ZBTB11: variants seen among roughly 807,000 people sequenced by gnomAD.
The protein encoded by ZBTB11 is zinc finger and BTB domain containing 11, also known as zinc finger and BTB domain-containing protein 11.
ZBTB11 carries 68 observed loss-of-function variants against 113.1 expected under a neutral mutation model. The observed-to-expected ratio is 0.60, with a 90% CI of 0.49 to 0.74. The LOEUF is 0.74. ZBTB11 is among the 30% of genes least tolerant of loss of function. The probability of loss-of-function intolerance (pLI) is 0.00; values close to 1 mark genes in which losing one functional copy is unlikely to be tolerated. For synonymous variants in ZBTB11, 518 were observed against 452.6 expected, an observed-to-expected ratio of 1.14 and a Z score of -1.83; for missense variants, 1,104 against 1,279.4, an observed-to-expected ratio of 0.86 and a Z score of 2.09.
chr3:101,677,039 C>T lies in ZBTB11; in HGVS notation c.-125G>A, dbSNP rs1235471795. On this transcript the variant is annotated 5_prime_UTR_variant, in exon 1 of 11. Transcript: ENST00000312938. ...GAAACGGCTGCGCCTTTGGCGAGCGCTCTTCGACGGCTCCCTTAGTCCGAA... is the reference window on the plus strand; with the variant it reads ...GAAACGGCTGCGCCTTTGGCGAGCGTTCTTCGACGGCTCCCTTAGTCCGAA... 1 of 1,095,490 alleles carries T rather than the reference C, an allele frequency of 9.1e-7. No homozygotes were observed. The highest frequency in any genetic ancestry group is 1.3e-6 in the Non-Finnish European group (1 of 794,884). The allele number at this position is 1,095,490 out of a possible 1,614,324, so 67.9% of individuals were successfully genotyped here. A position where few individuals can be genotyped will look rare whatever the true frequency, so the allele number is the denominator to read the frequency against.
chr3:101,670,676 C>T (rs1182213298), intron 3 of ZBTB11: 1 of 155,062 alleles, frequency 6.4e-6, no homozygotes, highest in African/African-American at 2.4e-5. Flanking sequence ...GTCTGGAGAG[C>T]AGTGGGTATT....
chr3:101,673,820 G>C (rs1223999065), intron 1 of ZBTB11, among the ~76,000 whole-genome samples: 1 of 152,078 alleles, frequency 6.6e-6, no homozygotes, highest in Non-Finnish European at 1.5e-5. Flanking sequence ...TGGCCACCAA[G>C]TTCCTTATAC....
At chr3:101,668,808 G>A (rs1346154129) in intron 3 of ZBTB11, among the ~76,000 whole-genome samples, 1 of 151,788 alleles carries the variant, frequency 6.6e-6, no homozygotes, top group East Asian at 1.9e-4. Context: ...AATAAAAGGA[G>A]CGAGCCTCTC....
At chr3:101,671,632 A>G (rs1937087218) in intron 2 of ZBTB11, 3 of 575,508 alleles carry the variant, frequency 5.2e-6, no homozygotes, top group South Asian at 2.3e-5. Context: ...AAACTGATGC[A>G]GGTGAAAAAC....
rs1936703878 is a variant in ZBTB11, at chr3:101,651,630, A to T, written c.2698T>A (p.Ser900Thr). The T allele has an allele frequency of 4.4e-6, 7 of 1,608,748 alleles. No homozygotes were observed. The highest frequency in any genetic ancestry group is 5.9e-6 in the Non-Finnish European group (7 of 1,177,626). The change falls in exon 11 of 11, where the codon TCT (serine) becomes ACT (threonine). Residue 900 changes from serine (S) to threonine (T), a missense_variant. Physicochemically the swap from Ser to Thr is moderately conservative, Grantham distance 58 (BLOSUM62 1). Transcript: ENST00000312938. Reference protein sequence around the residue: ...TCGVAWADARSLKRHVRTHTG... With the variant: ...TCGVAWADARTLKRHVRTHTG... ...TGTGTTCTGACATGGCGTTTTAGAG[A>T]TCGGGCATCAGCCCAAGCTACTCCA...
chr3:101,658,624 A>C (rs1036141159), intron 6 of ZBTB11, among the ~76,000 whole-genome samples: 1 of 152,040 alleles, frequency 6.6e-6, no homozygotes, highest in Non-Finnish European at 1.5e-5. Flanking sequence ...CCCAGGTTCA[A>C]ATGACCGGAG....
Position 101,677,099 on chromosome 3 carries a change from G to A in ZBTB11, c.-185C>T, listed in dbSNP as rs1348152062. The A allele has an allele frequency of 1.1e-5, 7 of 632,780 alleles. No homozygotes were observed. Among genetic ancestry groups the A allele is most frequent in the Non-Finnish European group, 1.5e-5 (6 of 392,558 alleles). The allele number at this position is 632,780 out of a possible 1,614,324, so 39.2% of individuals were successfully genotyped here. A position where few individuals can be genotyped will look rare whatever the true frequency, so the allele number is the denominator to read the frequency against. On this transcript the variant is annotated 5_prime_UTR_variant, in exon 1 of 11. Transcript: ENST00000312938. The stretch of plus-strand genomic sequence containing the variant: ...GGCGAGTTGGTAACCAGGGGGAACT[G>A]CACTTCTCCAGCGCGCGGGATCCGC...
chr3:101,665,252 A>G lies in ZBTB11; in HGVS notation c.1335T>C (p.Asn445=), dbSNP rs776980646. ...TATCCTCTGGCGAGCTACTAATTAC[A>G]TTCTCTTTTGAAAGTTTAGGGTGTA... The part of the protein sequence containing the change: ...SNIHPKLSKE[N]VISSSPEDSG... The change falls in exon 4 of 11, where the codon AAT becomes AAC. Residue 445 remains asparagine, a synonymous_variant. Transcript: ENST00000312938. 29 of 1,614,014 alleles carry G rather than the reference A, an allele frequency of 1.8e-5. No homozygotes were observed. The South Asian group carries it at 3.1e-4, about 17-fold the overall frequency.
intron 1 of ZBTB11, among the ~76,000 whole-genome samples, chr3:101,675,395 A>C (rs920966173): frequency 3.9e-5 from 6 of 152,258 alleles, no homozygotes. Context: ...AAACGAATAA[A>C]CTTGATGATG....
At chr3:101,664,116 T>C (rs1001369932) in intron 5 of ZBTB11, among the ~76,000 whole-genome samples, 2 of 152,164 alleles carry the variant, frequency 1.3e-5, no homozygotes, top group Non-Finnish European at 2.9e-5. Context: ...TCAAGGTAGC[T>C]AGCACTACTA....
At chr3:101,676,354 G>A in intron 1 of ZBTB11, 1 of 378,960 alleles carries the variant, frequency 2.6e-6, no homozygotes, top group Non-Finnish European at 4.7e-6. Flanking sequence ...CCCCGCGGCT[G>A]GCCCGGCCTC....
chr3:101,651,509 T>G lies in ZBTB11; in HGVS notation c.2819A>C (p.Tyr940Ser). 6.2e-7 allele frequency: 1 copy of G among 1,614,160 alleles called. No individual in the cohort carries two copies. Among genetic ancestry groups the G allele is most frequent in the Non-Finnish European group, 8.5e-7 (1 of 1,180,022 alleles). Residue 940 changes from tyrosine (Y) to serine (S), a missense_variant, in exon 11 of 11, where the codon TAT becomes TCT. Transcript: ENST00000312938. ...RKHMTKFHRD[Y>S]VPCKIMLEKD... Reference sequence around the variant, plus strand: ...TTCCAGCATAATTTTGCAAGGCACATAGTCTCTGTGGAATTTAGTCATATG... The same window carrying G: ...TTCCAGCATAATTTTGCAAGGCACAGAGTCTCTGTGGAATTTAGTCATATG...
rs1010022130 is a variant in ZBTB11 at position 101,676,828 on chromosome 3, G to C, written c.87C>G (p.Val29=). The C allele has an allele frequency of 1.2e-6, 2 of 1,612,388 alleles. No individual in the cohort carries two copies. The highest frequency in any genetic ancestry group is 1.7e-6 in the Non-Finnish European group (2 of 1,179,538). Residue 29 remains valine (V), a synonymous_variant, in exon 1 of 11, where the codon GTC becomes GTG. Coordinates refer to ENST00000312938, the MANE Select transcript of ZBTB11 (RefSeq NM_014415.4). ...EPYAPGTEGN[V]KRKIRKAAAC... ...CGGCAGCTTTTCGGATTTTACGCTT[G>C]ACATTGCCCTCGGTGCCCGGCGCAT...
Position 101,649,785 on chromosome 3 carries a change from G to A in ZBTB11, c.*1381C>T, listed in dbSNP as rs1223422146. The A allele has an allele frequency of 6.6e-6, 1 of 152,632 alleles. No homozygotes were observed. Among genetic ancestry groups the A allele is most frequent in the Non-Finnish European group, 1.5e-5 (1 of 68,022 alleles). The allele number at this position is 152,632 out of a possible 1,614,324, so 9.5% of individuals were successfully genotyped here. A position where few individuals can be genotyped will look rare whatever the true frequency, so the allele number is the denominator to read the frequency against. On this transcript the variant is annotated 3_prime_UTR_variant, in exon 11 of 11. Transcript: ENST00000312938. ...AAGCCATTTTTAAAGTAAACTGGGA[G>A]AGGCAACTTAGTAATATATGTACAT... is the stretch of plus-strand genomic sequence containing the variant.
At chr3:101,654,522 T>C (rs1417726435) in intron 8 of ZBTB11, among the ~76,000 whole-genome samples, 182 bp downstream of exon 8, 5 of 152,174 alleles carry the variant, frequency 3.3e-5, no homozygotes, top group Non-Finnish European at 5.9e-5. Flanking sequence ...ATGAGTGATT[T>C]GTATGGTAAA....
rs970102109 is a variant in ZBTB11, at chr3:101,654,019, G to A, written c.2309+685C>T. ...TGGAATTACAGGCATGAGCCACTGC[G>A]CCCACACTACCACCCTAAAATGACT... is the stretch of plus-strand genomic sequence containing the variant. On this transcript the variant is annotated intron_variant, in intron 8 of 10. Transcript: ENST00000312938. Among the ~76,000 whole-genome samples the A allele has an allele frequency of 6.6e-5, 10 of 151,626 alleles. No homozygotes were observed. In the East Asian group the frequency reaches 1.4e-3, roughly 20 times the overall value.
chr3:101,655,999 G>A lies in ZBTB11; in HGVS notation c.2191+105C>T, dbSNP rs564478392. On this transcript the variant is annotated intron_variant, in intron 7 of 10. Transcript: ENST00000312938. ...TAAAATACTGTCTCAATACAAAATT[G>A]AGCACACACGACTATCAGTTTATCA... 212 of 968,576 alleles carry A rather than the reference G, an allele frequency of 2.2e-4. 1 individual carries two copies. The African/African-American group carries it at 3.2e-3, about 14-fold the overall frequency. 60.0% of individuals were successfully genotyped at this position (968,576 alleles called of 1,614,324 possible).
In ZBTB11 at chr3:101,676,816, G is replaced by A; in HGVS notation, c.99C>T (p.Ile33=). Residue 33 remains isoleucine (I), a synonymous_variant, in exon 1 of 11, where the codon ATC becomes ATT. Transcript: ENST00000312938. ...CCACGTAGCAGGCGGCAGCTTTTCG[G>A]ATTTTACGCTTGACATTGCCCTCGG... ...PGTEGNVKRK[I]RKAAACYVVR... is the part of the protein sequence containing the mutation. 6.2e-7 allele frequency: 1 copy of A among 1,612,650 alleles called. No homozygotes were observed. Among genetic ancestry groups the A allele is most frequent in the African/African-American group, 1.3e-5 (1 of 75,056 alleles).
chr3:101,671,183 A>T lies in ZBTB11; in HGVS notation c.725T>A (p.Leu242His). ...LSANSEYFRD[L>H]FIEKGAVSSH... Reference sequence around the variant, plus strand: ...GGAAACAGCTCCTTTCTCAATAAAAAGATCTCGAAAATACTCGCTATTTGC... The same window carrying T: ...GGAAACAGCTCCTTTCTCAATAAAATGATCTCGAAAATACTCGCTATTTGC... The change falls in exon 3 of 11, where the codon CTT becomes CAT. Residue 242 changes from leucine (L) to histidine (H), a missense_variant. By Grantham distance (99) the Leu-to-His change is moderately conservative. Transcript: ENST00000312938. The T allele has an allele frequency of 6.2e-7, 1 of 1,614,216 alleles. No individual in the cohort carries two copies. The highest frequency in any genetic ancestry group is 8.5e-7 in the Non-Finnish European group (1 of 1,180,032).
Sources: gnomAD v4.1 joint callset for allele counts (sites outside exome capture counted in the v4.1 genomes callset) on GRCh38, gnomAD v4.1.1 for gene constraint, MANE v1.5 for transcripts, NCBI Gene and HGNC (gene_info 2026-07-23, HGNC 2026-07-21) for gene names.